Variants in FLYWCH1 observed in about 807,000 individuals in gnomAD.
FLYWCH1 encodes the protein FLYWCH-type zinc finger-containing protein 1.
Under a neutral mutation model 66.4 loss-of-function variants are expected in FLYWCH1, and 75 were observed. The observed-to-expected ratio is 1.13, with a 90% CI of 0.94 to 1.37. The LOEUF is 1.37. Ranked by LOEUF, FLYWCH1 falls within the 40% of genes most tolerant of loss-of-function variation. The pLI is 0.00. For missense variants in FLYWCH1, 1,334 were observed against 1,001.8 expected, an observed-to-expected ratio of 1.33 and a Z score of -4.48; for synonymous variants, 595 against 429.9, an observed-to-expected ratio of 1.38 and a Z score of -4.75.
At chr16:2,934,027 C>A (rs1187063504) in intron 6 of FLYWCH1, 48 bp downstream of exon 6, 10 of 1,466,208 alleles carry the variant, frequency 6.8e-6, no homozygotes, top group Admixed American at 2.4e-5. Flanking sequence ...CAGGCAGGAG[C>A]CCCACACTGC....
chr16:2,930,877 C>T lies in FLYWCH1; in HGVS notation c.793C>T (p.Leu265=), dbSNP rs774290234. The T allele has an allele frequency of 1.3e-5, 20 of 1,586,952 alleles. No homozygotes were observed. The African/African-American group carries it at 2.6e-4, about 20-fold the overall frequency. Residue 265 remains leucine (L), a synonymous_variant, in exon 4 of 10, where the codon CTG becomes TTG. Coordinates refer to ENST00000253928, the MANE Select transcript of FLYWCH1 (RefSeq NM_001308068.2). The part of the protein sequence containing the change: ...LPPKKRSILG[L]GQARPLEFLR... ...GCCCAAGAAGCGCTCGATCCTGGGGCTGGGTGAGTACAATCCACTCCCCTG... is the reference window on the plus strand; with the variant it reads ...GCCCAAGAAGCGCTCGATCCTGGGGTTGGGTGAGTACAATCCACTCCCCTG...
chr16:2,939,898 C>G (rs867809864), intron 8 of FLYWCH1, 134 bp from the exon 9 acceptor site: 1 of 1,003,718 alleles, frequency 1.0e-6, no homozygotes. Flanking sequence ...GCGTTGAATT[C>G]CCAGCGTTGC....
intron 2 of FLYWCH1, chr16:2,915,142 T>C (rs1289077138): frequency 6.7e-6 from 1 of 149,382 alleles, no homozygotes; most frequent in African/African-American, 2.5e-5. Flanking sequence ...GCACTGAAAT[T>C]TTTTTTTTTT....
chr16:2,930,034 G>A (rs1253902436), intron 3 of FLYWCH1, 24 bp downstream of exon 3: 2 of 1,585,284 alleles, frequency 1.3e-6, no homozygotes. Context: ...TCCCGCCCCT[G>A]CCCAGCCACC....
chr16:2,930,585 A>G lies in FLYWCH1; in HGVS notation c.501A>G (p.Thr167=). ...GRAITRGLRA[T]VMRGHCHAPD... is the part of the protein sequence containing the mutation. ...CCATCACCCGAGGCCTGCGGGCCACAGTGATGCGGGGCCACTGCCACGCGC... is the reference window on the plus strand; with the variant it reads ...CCATCACCCGAGGCCTGCGGGCCACGGTGATGCGGGGCCACTGCCACGCGC... The change falls in exon 4 of 10, where the codon ACA becomes ACG. Residue 167 remains threonine, a synonymous_variant. Transcript: ENST00000253928. 1 of 1,555,778 alleles carries G rather than the reference A, an allele frequency of 6.4e-7. No individual in the cohort carries two copies. Among genetic ancestry groups the G allele is most frequent in the Non-Finnish European group, 8.7e-7 (1 of 1,151,510 alleles).
intron 1 of FLYWCH1, among the ~76,000 whole-genome samples, chr16:2,913,692 G>A (rs762191266): frequency 6.6e-6 from 1 of 152,090 alleles, no homozygotes; most frequent in East Asian, 1.9e-4. Context: ...AATTATCTGG[G>A]CATCTCTGCC....
intron 6 of FLYWCH1, chr16:2,934,626 T>C (rs1953654084): frequency 2.2e-6 from 1 of 456,800 alleles, no homozygotes; most frequent in Non-Finnish European, 4.4e-6. Flanking sequence ...CGCTGGCCTC[T>C]CTTTCCAGTG....
chr16:2,930,847 C>A lies in FLYWCH1; in HGVS notation c.763C>A (p.Leu255Met). 1 of 1,602,222 alleles carries A rather than the reference C, an allele frequency of 6.2e-7. No homozygotes were observed. The highest frequency in any genetic ancestry group is 8.5e-7 in the Non-Finnish European group (1 of 1,177,794). The change falls in exon 4 of 10, where the codon CTG becomes ATG. Residue 255 changes from leucine (L) to methionine (M), a missense_variant. Leu to Met is a conservative substitution (Grantham distance 15, BLOSUM62 2). Transcript: ENST00000253928. ...ACCCCGAGCCCTGTCACTGCTGAGCCTGCCGCCCAAGAAGCGCTCGATCCT... is the reference window on the plus strand; with the variant it reads ...ACCCCGAGCCCTGTCACTGCTGAGCATGCCGCCCAAGAAGCGCTCGATCCT... ...EAPRALSLLS[L>M]PPKKRSILGL...
chr16:2,931,786 A>C (rs948297679), intron 4 of FLYWCH1, among the ~76,000 whole-genome samples: 1 of 151,954 alleles, frequency 6.6e-6, no homozygotes, highest in Non-Finnish European at 1.5e-5. Flanking sequence ...TGGCCAACAT[A>C]GTGAAACCCT....
intron 8 of FLYWCH1, 56 bp from the exon 9 acceptor site, chr16:2,939,976 G>A: frequency 1.3e-6 from 2 of 1,547,258 alleles, no homozygotes; most frequent in Non-Finnish European, 8.7e-7. Flanking sequence ...CCTTGGTTCT[G>A]TCAGCTTCAA....
At chr16:2,936,612 G>A (rs1380469236) in intron 6 of FLYWCH1, 21 of 457,188 alleles carry the variant, frequency 4.6e-5, no homozygotes, top group Admixed American at 1.2e-4. Context: ...ACAGCCACCC[G>A]CCAGGTCCTC....
intron 6 of FLYWCH1, chr16:2,936,879 T>G (rs1411211389): frequency 1.6e-6 from 1 of 640,836 alleles, no homozygotes; most frequent in Admixed American, 2.2e-5. Context: ...CATGGCAAGG[T>G]GGGACGCTTG....
At chr16:2,916,054 T>C (rs1180618626) in intron 2 of FLYWCH1, among the ~76,000 whole-genome samples, 1 of 152,004 alleles carries the variant, frequency 6.6e-6, no homozygotes, top group African/African-American at 2.4e-5. Flanking sequence ...CTTTTTAAAG[T>C]CTGTTGTTTT....
intron 9 of FLYWCH1, among the ~76,000 whole-genome samples, chr16:2,948,435 C>T (rs2071573382): frequency 6.6e-6 from 1 of 151,954 alleles, no homozygotes; most frequent in Admixed American, 6.6e-5. Flanking sequence ...TGATGGCATG[C>T]ACCTGTAGTC....
In FLYWCH1 at chr16:2,912,135, G is replaced by A. The variant is rs1400234438; in HGVS notation, c.-207G>A. On this transcript the variant is annotated 5_prime_UTR_variant, in exon 1 of 10. Transcript: ENST00000253928. ...CCGCCGCGGCGCTGTCGCGGGAGAG[G>A]GAGGGCCCCGCTGCCGTCGGTGAGG... 6.6e-6 allele frequency: 1 copy of A among 152,218 alleles called. No individual in the cohort carries two copies. The highest frequency in any genetic ancestry group is 1.5e-5 in the Non-Finnish European group (1 of 68,044). The allele number at this position is 152,218 out of a possible 1,614,324, so 9.4% of individuals were successfully genotyped here.
In FLYWCH1 at chr16:2,929,700, G is replaced by T. The variant is rs771191998; in HGVS notation, c.15G>T (p.Glu5Asp). The T allele has an allele frequency of 6.2e-7, 1 of 1,611,938 alleles. No individual in the cohort carries two copies. The highest frequency in any genetic ancestry group is 1.1e-5 in the South Asian group (1 of 90,898). Reference sequence around the variant, plus strand: ...TGGGTCCCGGGATGCCCCTGCCCGAGCCCAGCGAGCAGGAGGGCGAGAGTG... The same window carrying T: ...TGGGTCCCGGGATGCCCCTGCCCGATCCCAGCGAGCAGGAGGGCGAGAGTG... MPLP[E>D]PSEQEGESVK... Residue 5 changes from glutamate to aspartate, a missense_variant, in exon 3 of 10, where the codon GAG (glutamate) becomes GAT (aspartate). By Grantham distance (45) the Glu-to-Asp change is conservative. Coordinates refer to ENST00000253928, the MANE Select transcript of FLYWCH1 (RefSeq NM_001308068.2).
intron 6 of FLYWCH1, chr16:2,936,369 T>G (rs1161632421): frequency 2.2e-6 from 1 of 456,042 alleles, no homozygotes; most frequent in Admixed American, 2.4e-5. Flanking sequence ...TCCTCCTGCC[T>G]CCCGAGCCTC....
intron 4 of FLYWCH1, among the ~76,000 whole-genome samples, chr16:2,931,615 C>CAA (rs555944806): frequency 6.9e-6 from 1 of 144,986 alleles, no homozygotes; most frequent in South Asian, 2.2e-4. Flanking sequence ...GACCCTGTCT[C>CAA]AAAAAAAAAA....
At chr16:2,941,846 C>T (rs1256462716) in intron 9 of FLYWCH1, among the ~76,000 whole-genome samples, 2 of 151,550 alleles carry the variant, frequency 1.3e-5, no homozygotes, top group Admixed American at 6.6e-5. Context: ...CATGGTGAAA[C>T]CCCATCTCTA....
Sources: allele counts gnomAD v4.1 joint callset (sites outside exome capture counted in the v4.1 genomes callset), GRCh38; gene constraint gnomAD v4.1.1; transcripts MANE v1.5; gene names NCBI Gene and HGNC (gene_info 2026-07-23, HGNC 2026-07-21).